The following GALNTL6 variants were observed in gnomAD, a reference collection of about 807,000 sequenced individuals.
GALNTL6 encodes polypeptide N-acetylgalactosaminyltransferase-like 6.
In GALNTL6, 46 loss-of-function variants were observed where a neutral mutation model predicts 73.7. The ratio of observed to expected loss-of-function variants is 0.62; its 90% CI spans 0.49 to 0.80. GALNTL6 has a LOEUF of 0.80. Ranked by LOEUF, GALNTL6 falls within the 30% of genes least tolerant of loss-of-function variation. GALNTL6 has a pLI of 0.00. For synonymous variants in GALNTL6, 259 were observed against 263.7 expected (o/e 0.98, Z 0.17); for missense variants, 604 against 755.0 (o/e 0.80, Z 2.34).
intron 5 of GALNTL6, among the ~76,000 whole-genome samples, chr4:172,650,088 C>G (rs1579288683): frequency 6.6e-6 from 1 of 152,240 alleles, no homozygotes; most frequent in South Asian, 2.1e-4. Context: ...TGCCTGCAAA[C>G]AAACGATTTT....
At chr4:172,518,321 A>G (rs1734672363) in intron 5 of GALNTL6, among the ~76,000 whole-genome samples, 1 of 152,004 alleles carries the variant, frequency 6.6e-6, no homozygotes, top group Non-Finnish European at 1.5e-5. Flanking sequence ...TTCTGGATAA[A>G]TAATTTAGCC....
intron 4 of GALNTL6, among the ~76,000 whole-genome samples, chr4:172,325,217 A>G (rs1740901352): frequency 6.6e-6 from 1 of 151,974 alleles, no homozygotes; most frequent in Non-Finnish European, 1.5e-5. Flanking sequence ...CCATCATGCC[A>G]ATATATTTGA....
chr4:172,442,307 T>A (rs1731863158), intron 5 of GALNTL6, among the ~76,000 whole-genome samples: 1 of 152,178 alleles, frequency 6.6e-6, no homozygotes, highest in Non-Finnish European at 1.5e-5. Context: ...GGGATATTGC[T>A]GGTGATCATC....
intron 2 of GALNTL6, among the ~76,000 whole-genome samples, chr4:172,118,034 C>T (rs753631511): frequency 1.3e-5 from 2 of 151,956 alleles, no homozygotes; most frequent in Admixed American, 1.3e-4. Flanking sequence ...TAAAGCTAAC[C>T]TTTGTGCATT....
rs543851882 is a variant in GALNTL6, at chr4:172,022,404, A to T, written c.139-207252A>T. 7.9e-5 allele frequency among the ~76,000 whole-genome samples: 12 copies of T among 152,132 alleles called. No homozygotes were observed. The South Asian group carries it at 2.5e-3, about 32-fold the overall frequency. On this transcript the variant is annotated intron_variant, in intron 2 of 12. Coordinates refer to ENST00000506823, the MANE Select transcript of GALNTL6 (RefSeq NM_001034845.3). ...TTGATCTTCTCATTTTCAGTAAATA[A>T]TACTAATACATCAGTTAAGTTCTTG...
intron 5 of GALNTL6, among the ~76,000 whole-genome samples, chr4:172,491,230 A>G (rs992629648): frequency 1.1e-4 from 16 of 152,174 alleles, no homozygotes; most frequent in African/African-American, 3.4e-4. Context: ...TTCAAATTAA[A>G]TAATTAAGAG....
intron 2 of GALNTL6, among the ~76,000 whole-genome samples, chr4:172,096,934 G>A (rs961609281): frequency 4.6e-5 from 7 of 152,146 alleles, no homozygotes; most frequent in African/African-American, 1.7e-4. Flanking sequence ...GGTATGTAGA[G>A]GATGATATTC....
intron 2 of GALNTL6, among the ~76,000 whole-genome samples, chr4:171,959,537 C>A (rs1461654427): frequency 6.6e-6 from 1 of 151,316 alleles, no homozygotes; most frequent in Non-Finnish European, 1.5e-5. Context: ...GGGGTGTCTT[C>A]TTTTAGAATT....
At chr4:172,360,415 C>T (rs922151775) in intron 5 of GALNTL6, among the ~76,000 whole-genome samples, 1 of 152,164 alleles carries the variant, frequency 6.6e-6, no homozygotes, top group African/African-American at 2.4e-5. Context: ...ATATTTTCAT[C>T]TACAGTGGCA....
intron 5 of GALNTL6, among the ~76,000 whole-genome samples, chr4:172,563,390 C>T (rs1253516356): frequency 6.6e-6 from 1 of 152,188 alleles, no homozygotes; most frequent in Non-Finnish European, 1.5e-5. Context: ...AATGAAACCA[C>T]TGTGGTATCC....
chr4:171,850,301 T>C (rs975819855), intron 2 of GALNTL6, among the ~76,000 whole-genome samples: 5 of 152,112 alleles, frequency 3.3e-5, no homozygotes, highest in African/African-American at 1.2e-4. Flanking sequence ...AAACGTAAAG[T>C]AGGGACGTGA....
intron 2 of GALNTL6, among the ~76,000 whole-genome samples, chr4:171,934,606 G>C (rs983513370): frequency 6.6e-6 from 1 of 151,988 alleles, no homozygotes; most frequent in African/African-American, 2.4e-5. Context: ...TGTAGAGACA[G>C]GGTTATACCA....
intron 5 of GALNTL6, among the ~76,000 whole-genome samples, chr4:172,468,067 C>T (rs562586233): frequency 1.3e-4 from 19 of 151,788 alleles, no homozygotes; most frequent in African/African-American, 4.6e-4. Context: ...TATTTATCTA[C>T]TTTTTGTAGA....
intron 5 of GALNTL6, among the ~76,000 whole-genome samples, chr4:172,706,133 A>T (rs561805640): frequency 6.6e-6 from 1 of 152,136 alleles, no homozygotes; most frequent in South Asian, 2.1e-4. Context: ...GCTATCCTCT[A>T]GATTTGTAAG....
chr4:172,336,275 G>GTTTTTTTT lies in GALNTL6; in HGVS notation c.387-12240_387-12233dup, dbSNP rs200566896. 5.6e-5 allele frequency among the ~76,000 whole-genome samples: 7 copies of GTTTTTTTT among 126,018 alleles called. 1 individual carries two copies. The highest frequency in any genetic ancestry group is 2.1e-4 in the African/African-American group (7 of 33,664). The allele number at this position is 126,018 out of a possible 152,430, so 82.7% of individuals were successfully genotyped here. A position where few individuals can be genotyped will look rare whatever the true frequency, so the allele number is the denominator to read the frequency against. ...ACTCTTCTTGGTATAGTTTTGTTTTGTTTTTTTTTTTTTTTGACTGAGTCT... is the reference window on the plus strand; with the variant it reads ...ACTCTTCTTGGTATAGTTTTGTTTTGTTTTTTTTTTTTTTTTTTTTTTTGACTGAGTCT... On this transcript the variant is annotated intron_variant, in intron 4 of 12. Coordinates refer to ENST00000506823, the MANE Select transcript of GALNTL6 (RefSeq NM_001034845.3).
intron 8 of GALNTL6, among the ~76,000 whole-genome samples, chr4:172,898,856 C>T (rs377698052): frequency 2.4e-4 from 37 of 152,264 alleles, no homozygotes; most frequent in African/African-American, 6.7e-4. Context: ...GACAGCCCGG[C>T]GCTGCATTCC....
At chr4:172,883,913 A>C (rs1287188216) in intron 8 of GALNTL6, among the ~76,000 whole-genome samples, 1 of 151,684 alleles carries the variant, frequency 6.6e-6, no homozygotes, top group African/African-American at 2.4e-5. Flanking sequence ...GATTTATTTC[A>C]CTTAAAATAA....
intron 5 of GALNTL6, among the ~76,000 whole-genome samples, chr4:172,522,645 G>T (rs1359793744): frequency 1.4e-5 from 2 of 145,288 alleles, no homozygotes; most frequent in Non-Finnish European, 3.0e-5. Context: ...ACTCCAGCCT[G>T]GGTAACGAGT....
At chr4:172,229,313 C>T (rs1736973371) in intron 2 of GALNTL6, among the ~76,000 whole-genome samples, 3 of 152,088 alleles carry the variant, frequency 2.0e-5, no homozygotes, top group Admixed American at 2.0e-4. Flanking sequence ...TTAAATGCAA[C>T]ACCAAAATTG....
Sources: allele counts gnomAD v4.1 joint callset (sites outside exome capture counted in the v4.1 genomes callset), GRCh38; gene constraint gnomAD v4.1.1; transcripts MANE v1.5; gene names NCBI Gene and HGNC (gene_info 2026-07-23, HGNC 2026-07-21).